Variants in RABGAP1L observed in about 807,000 individuals in gnomAD.
RABGAP1L encodes the protein rab GTPase-activating protein 1-like.
A neutral mutation model predicts 137.7 loss-of-function variants in RABGAP1L; 63 were observed. The observed-to-expected ratio is 0.46, with a 90% CI of 0.37 to 0.56. The LOEUF is 0.56. Ranked by LOEUF, RABGAP1L falls within the 20% of genes least tolerant of loss-of-function variation. The pLI is 0.00. For synonymous variants in RABGAP1L, 431 were observed against 433.7 expected (o/e 0.99, Z 0.08); for missense variants, 1,095 against 1,244.0 (o/e 0.88, Z 1.80).
chr1:174,370,431 G>T (rs1685010520), intron 11 of RABGAP1L, among the ~76,000 whole-genome samples: 1 of 140,760 alleles, frequency 7.1e-6, no homozygotes, highest in Non-Finnish European at 1.5e-5. Context: ...ATATAAAAAG[G>T]CCAGTTTCAA....
intron 13 of RABGAP1L, among the ~76,000 whole-genome samples, chr1:174,588,735 A>G (rs1056816039): frequency 6.6e-6 from 1 of 152,210 alleles, no homozygotes; most frequent in East Asian, 1.9e-4. Flanking sequence ...TTCATTTAAC[A>G]TAATGTCTTT....
At chr1:174,589,812 G>T (rs1669417682) in intron 13 of RABGAP1L, among the ~76,000 whole-genome samples, 1 of 152,068 alleles carries the variant, frequency 6.6e-6, no homozygotes, top group Non-Finnish European at 1.5e-5. Flanking sequence ...TGTTCCATTG[G>T]TCTATGTGTT....
At chr1:174,610,417 G>A (rs1340941537) in intron 13 of RABGAP1L, among the ~76,000 whole-genome samples, 1 of 151,196 alleles carries the variant, frequency 6.6e-6, no homozygotes, top group African/African-American at 2.4e-5. Context: ...AGTATTCCAT[G>A]GTGTATATGT....
chr1:174,395,383 A>T (rs1438129548), intron 13 of RABGAP1L, among the ~76,000 whole-genome samples: 1 of 151,810 alleles, frequency 6.6e-6, no homozygotes, highest in Admixed American at 6.6e-5. Context: ...GCTGCATGTC[A>T]AGTTTTTTTT....
At chr1:174,199,885 A>G (rs1410548995) in intron 1 of RABGAP1L, among the ~76,000 whole-genome samples, 1 of 152,238 alleles carries the variant, frequency 6.6e-6, no homozygotes, top group Non-Finnish European at 1.5e-5. Flanking sequence ...AGTAATAGCT[A>G]TTCTTAGAAT....
chr1:174,846,448 A>C (rs1347715355), intron 19 of RABGAP1L, among the ~76,000 whole-genome samples: 1 of 150,074 alleles, frequency 6.7e-6, no homozygotes, highest in Non-Finnish European at 1.5e-5. Flanking sequence ...GTTGGTTTCA[A>C]AGAACATCTT....
At chr1:174,284,037 C>T (rs1353355095) in intron 10 of RABGAP1L, among the ~76,000 whole-genome samples, 1 of 152,146 alleles carries the variant, frequency 6.6e-6, no homozygotes, top group Non-Finnish European at 1.5e-5. Flanking sequence ...TGATTTGATA[C>T]ATATATATTG....
rs1672071229 is a variant in RABGAP1L, at chr1:174,991,770, G to A, written c.*1769G>A. 2 of 114,248 alleles carry A rather than the reference G, an allele frequency of 1.8e-5. No homozygotes were observed. The highest frequency in any genetic ancestry group is 4.1e-5 in the African/African-American group (1 of 24,540). The allele number at this position is 114,248 out of a possible 1,614,324, so 7.1% of individuals were successfully genotyped here. On this transcript the variant is annotated 3_prime_UTR_variant, in exon 26 of 26. Transcript: ENST00000681986. ...ATTCTCTACATGGTGGTCTAGATAA[G>A]CTAATTTTTTTTTTTTTTTTTTTGT...
At chr1:174,656,622 C>T (rs1173123662) in intron 14 of RABGAP1L, among the ~76,000 whole-genome samples, 1 of 152,186 alleles carries the variant, frequency 6.6e-6, no homozygotes, top group Non-Finnish European at 1.5e-5. Context: ...TGCCCTCAGC[C>T]CTTGGCAATC....
At position 174,492,836 on chromosome 1, in the gene RABGAP1L, G is replaced by T. The variant is rs143136664; in HGVS notation, c.1710+98691G>T. On this transcript the variant is annotated intron_variant, in intron 13 of 25. Transcript: ENST00000681986. ...TTAAATCTTAAGCCTTTTGTGAAGG[G>T]TTTCTTCCTTCATCACTCACTGCCT... 6.7e-3 allele frequency among the ~76,000 whole-genome samples: 1,015 copies of T among 151,990 alleles called. 8 individuals are homozygous for T. The highest frequency in any genetic ancestry group is 0.014 in the South Asian group (65 of 4,796).
chr1:174,454,833 T>C (rs1655866820), intron 13 of RABGAP1L, among the ~76,000 whole-genome samples: 1 of 152,194 alleles, frequency 6.6e-6, no homozygotes, highest in South Asian at 2.1e-4. Flanking sequence ...ATGACAGGCA[T>C]GAGCGACCGC....
intron 19 of RABGAP1L, among the ~76,000 whole-genome samples, chr1:174,863,245 A>AAAAAAAAG (rs960350309): frequency 2.6e-5 from 4 of 151,294 alleles, no homozygotes; most frequent in Non-Finnish European, 4.4e-5. Context: ...AAAAAAAAAA[A>AAAAAAAAG]AAAGAAAAAC....
intron 1 of RABGAP1L, among the ~76,000 whole-genome samples, chr1:174,176,296 C>A (rs963712156): frequency 6.6e-6 from 1 of 152,126 alleles, no homozygotes; most frequent in Non-Finnish European, 1.5e-5. Context: ...ATCCACTGGT[C>A]TGTCTTGCAG....
intron 24 of RABGAP1L, among the ~76,000 whole-genome samples, chr1:174,983,228 C>T (rs1671284096): frequency 6.6e-6 from 1 of 152,150 alleles, no homozygotes; most frequent in Non-Finnish European, 1.5e-5. Flanking sequence ...TCTGACTGAG[C>T]CTGCATTGAT....
intron 19 of RABGAP1L, among the ~76,000 whole-genome samples, chr1:174,909,377 C>T (rs1380475856): frequency 2.6e-5 from 4 of 152,206 alleles, no homozygotes; most frequent in East Asian, 1.9e-4. Flanking sequence ...GTATGTGCCA[C>T]CATACACCTG....
At chr1:174,844,051 C>T (rs1276742708) in intron 19 of RABGAP1L, among the ~76,000 whole-genome samples, 1 of 150,956 alleles carries the variant, frequency 6.6e-6, no homozygotes, top group Non-Finnish European at 1.5e-5. Context: ...TGTTCATGTC[C>T]TTCGCCCACT....
At chr1:174,957,824 C>CTTA in intron 20 of RABGAP1L, 1 of 1,372,778 alleles carries the variant, frequency 7.3e-7, no homozygotes, top group South Asian at 1.2e-5. Flanking sequence ...ATCATGCTAA[C>CTTA]TGTCCAGGTA....
At chr1:174,432,163 C>T (rs533821925) in intron 13 of RABGAP1L, among the ~76,000 whole-genome samples, 2 of 152,236 alleles carry the variant, frequency 1.3e-5, no homozygotes, top group African/African-American at 4.8e-5. Flanking sequence ...TCTTTATGTC[C>T]ATGAGTACCC....
intron 11 of RABGAP1L, among the ~76,000 whole-genome samples, chr1:174,335,247 C>G (rs1011818705): frequency 1.3e-5 from 2 of 152,188 alleles, no homozygotes; most frequent in Non-Finnish European, 2.9e-5. Flanking sequence ...CATAAAAATG[C>G]TTTCCTGCTG....
Sources: allele counts gnomAD v4.1 joint callset (sites outside exome capture counted in the v4.1 genomes callset), GRCh38; gene constraint gnomAD v4.1.1; transcripts MANE v1.5; gene names NCBI Gene and HGNC (gene_info 2026-07-23, HGNC 2026-07-21).